Variants in GLIS3 observed in about 807,000 individuals in gnomAD.
GLIS3 encodes the protein zinc finger protein GLIS3.
GLIS3 carries 53 observed loss-of-function variants against 78.6 expected under a neutral mutation model. That is an observed-to-expected ratio of 0.67 (90% CI 0.54 to 0.85). The LOEUF (loss-of-function observed/expected upper bound fraction) is 0.85. Among genes scored for constraint, GLIS3 ranks in the 40% least tolerant of loss-of-function variants. The pLI, the probability that GLIS3 is intolerant of heterozygous loss-of-function variation, is 0.00. For missense variants in GLIS3, 1,703 were observed against 1,231.1 expected (o/e 1.38, Z -5.74); for synonymous variants, 684 against 509.9 (o/e 1.34, Z -4.60).
At chr9:4,418,735 G>T in the GLIS3 span, among the ~76,000 whole-genome samples, 1 of 152,084 alleles carries the variant, frequency 6.6e-6, no homozygotes, top group Non-Finnish European at 1.5e-5. Flanking sequence ...GGAGAAAGAT[G>T]TTGATTCCAG....
intron 6 of GLIS3, among the ~76,000 whole-genome samples, chr9:3,927,079 A>C (rs1189398127): frequency 6.6e-6 from 1 of 151,868 alleles, no homozygotes; most frequent in East Asian, 1.9e-4. Context: ...TATGTGGCTG[A>C]TTTTCTGTTT....
intron 2 of GLIS3, among the ~76,000 whole-genome samples, chr9:4,236,656 A>G (rs1012489342): frequency 6.6e-6 from 1 of 152,322 alleles, no homozygotes; most frequent in Non-Finnish European, 1.5e-5. Context: ...GTTACCGTCA[A>G]TGACAAGGTT....
chr9:4,101,148 T>A (rs995842668), intron 4 of GLIS3, among the ~76,000 whole-genome samples: 4 of 152,202 alleles, frequency 2.6e-5, no homozygotes, highest in African/African-American at 9.7e-5. Flanking sequence ...GTGTATGACC[T>A]TACATAAAAT....
At chr9:4,417,116 C>G in the GLIS3 span, among the ~76,000 whole-genome samples, 2 of 152,106 alleles carry the variant, frequency 1.3e-5, no homozygotes, top group South Asian at 4.1e-4. Flanking sequence ...ACTTTTCCGT[C>G]TATTAGTAAA....
intron 9 of GLIS3, among the ~76,000 whole-genome samples, chr9:3,836,187 T>C (rs1818339565): frequency 6.6e-6 from 1 of 152,204 alleles, no homozygotes; most frequent in Admixed American, 6.5e-5. Flanking sequence ...CTGCCGTTGG[T>C]GCTAAGCAGT....
At chr9:3,921,635 A>G (rs759710296) in intron 6 of GLIS3, among the ~76,000 whole-genome samples, 2 of 152,182 alleles carry the variant, frequency 1.3e-5, no homozygotes, top group Non-Finnish European at 2.9e-5. Context: ...AATATGTAAA[A>G]ATATATCTAT....
chr9:4,087,628 AC>A (rs1476407534), intron 4 of GLIS3, among the ~76,000 whole-genome samples: 1 of 152,210 alleles, frequency 6.6e-6, no homozygotes, highest in African/African-American at 2.4e-5. Context: ...TTGTATTAAC[AC>A]CCACATGAAA....
At position 4,056,025 on chromosome 9, in the gene GLIS3, C is replaced by T. The variant is rs73390472; in HGVS notation, c.1710+61743G>A. Reference sequence around the variant, plus strand: ...GTGAAGGACTGATAGGATGATCATGCGCAATTAATACTAGGCCCTGTTTAG... The same window carrying T: ...GTGAAGGACTGATAGGATGATCATGTGCAATTAATACTAGGCCCTGTTTAG... On this transcript the variant is annotated intron_variant, in intron 4 of 10. Coordinates refer to ENST00000381971, the MANE Select transcript of GLIS3 (RefSeq NM_001042413.2). Among the ~76,000 whole-genome samples the T allele has an allele frequency of 6.3e-3, 954 of 152,250 alleles. 7 individuals are homozygous for T. Among genetic ancestry groups the T allele is most frequent in the African/African-American group, 0.022 (913 of 41,524 alleles).
At chr9:4,408,544 C>T in the GLIS3 span, among the ~76,000 whole-genome samples, 11 of 151,046 alleles carry the variant, frequency 7.3e-5, no homozygotes, top group Admixed American at 4.0e-4. Context: ...CTGGCTAACA[C>T]GGTGAAATCC....
At chr9:4,076,994 G>C (rs1828122591) in intron 4 of GLIS3, among the ~76,000 whole-genome samples, 1 of 152,188 alleles carries the variant, frequency 6.6e-6, no homozygotes, top group African/African-American at 2.4e-5. Flanking sequence ...GGGAGGTGGA[G>C]GTTGCCGTGA....
intron 8 of GLIS3, among the ~76,000 whole-genome samples, chr9:3,872,049 T>G (rs1821003350): frequency 6.6e-6 from 1 of 152,194 alleles, no homozygotes; most frequent in Non-Finnish European, 1.5e-5. Context: ...TCTCTCAAGT[T>G]CAAAGTTCCA....
chr9:3,842,402 G>A (rs576251724), intron 9 of GLIS3, among the ~76,000 whole-genome samples: 29 of 152,300 alleles, frequency 1.9e-4, no homozygotes, highest in African/African-American at 5.5e-4. Flanking sequence ...AACCTGGGAG[G>A]TGGAGGTTGC....
intron 2 of GLIS3, among the ~76,000 whole-genome samples, chr9:4,191,893 A>G (rs1242695412): frequency 6.6e-6 from 1 of 152,126 alleles, no homozygotes; most frequent in African/African-American, 2.4e-5. Context: ...ATATTAATTA[A>G]TATTTCTAAA....
At chr9:4,330,221 G>A (rs183773045) in intron 2 of GLIS3, among the ~76,000 whole-genome samples, 10 of 152,340 alleles carry the variant, frequency 6.6e-5, no homozygotes, top group Admixed American at 5.9e-4. Context: ...GAAAGAAGCA[G>A]GGCTCCCAAG....
At chr9:4,032,832 A>C (rs934125885) in intron 4 of GLIS3, among the ~76,000 whole-genome samples, 1 of 151,898 alleles carries the variant, frequency 6.6e-6, no homozygotes, top group Non-Finnish European at 1.5e-5. Context: ...CTGAGGCTGG[A>C]ATGCCAAGTG....
chr9:4,388,758 A>G, the GLIS3 span, among the ~76,000 whole-genome samples: 159 of 152,298 alleles, frequency 1.0e-3, no homozygotes, highest in African/African-American at 3.6e-3. Context: ...ATCATCTAAC[A>G]TATATGTAAT....
intron 2 of GLIS3, among the ~76,000 whole-genome samples, chr9:4,281,717 G>A (rs1343909768): frequency 1.3e-5 from 2 of 152,176 alleles, no homozygotes; most frequent in Admixed American, 6.5e-5. Context: ...GGACATGGGT[G>A]TCAAAAGTAC....
chr9:4,236,473 ATTTGTT>A (rs1339016419), intron 2 of GLIS3, among the ~76,000 whole-genome samples: 3 of 152,186 alleles, frequency 2.0e-5, no homozygotes, highest in Non-Finnish European at 1.5e-5. Flanking sequence ...AGGATTTAAT[ATTTGTT>A]TTTAAGTTAA....
At chr9:4,423,822 A>C in the GLIS3 span, among the ~76,000 whole-genome samples, 25,150 of 152,160 alleles carry the variant, frequency 0.17, 2,283 homozygotes, top group Middle Eastern at 0.23. Context: ...CATTCACACA[A>C]ACACATACTT....
Sources: allele counts gnomAD v4.1 joint callset (sites outside exome capture counted in the v4.1 genomes callset), GRCh38; gene constraint gnomAD v4.1.1; transcripts MANE v1.5; gene names NCBI Gene and HGNC (gene_info 2026-07-23, HGNC 2026-07-21).